Variants in RIC1 observed in about 807,000 individuals in gnomAD.
RIC1 encodes guanine nucleotide exchange factor subunit RIC1.
In RIC1, 88 loss-of-function variants were observed where a neutral mutation model predicts 169.0. The observed-to-expected ratio is 0.52, with a 90% CI of 0.44 to 0.62. The LOEUF is 0.62. Ranked by LOEUF, RIC1 falls within the 20% of genes least tolerant of loss-of-function variation. The probability of loss-of-function intolerance (pLI) is 0.00; values close to 1 mark genes in which losing one functional copy is unlikely to be tolerated. For missense variants in RIC1, 1,877 were observed against 1,725.5 expected (o/e 1.09, Z -1.56); for synonymous variants, 790 against 601.5 (o/e 1.31, Z -4.59).
rs80197685 is a variant in RIC1, at chr9:5,658,826, T to C, written c.252+2136T>C. ...AAAAGTTTATTGGAAAGTTTTTTTG[T>C]TTTTTTTTTTACCGAGACTGACTTT... On this transcript the variant is annotated intron_variant, in intron 2 of 25. Coordinates refer to ENST00000414202, the MANE Select transcript of RIC1 (RefSeq NM_020829.4). 5.7e-5 allele frequency among the ~76,000 whole-genome samples: 7 copies of C among 122,538 alleles called. No homozygotes were observed. In the East Asian group the frequency reaches 1.4e-3, roughly 24 times the overall value. The allele number at this position is 122,538 out of a possible 152,430, so 80.4% of individuals were successfully genotyped here.
intron 11 of RIC1, among the ~76,000 whole-genome samples, chr9:5,746,554 G>T (rs1370453796): frequency 6.6e-6 from 1 of 152,080 alleles, no homozygotes; most frequent in African/African-American, 2.4e-5. Context: ...AATCCAGGAG[G>T]TGGTATATTA....
Position 5,765,689 on chromosome 9 carries a change from T to A in RIC1, c.3028T>A (p.Phe1010Ile). 1 of 1,614,116 alleles carries A rather than the reference T, an allele frequency of 6.2e-7. No homozygotes were observed. The highest frequency in any genetic ancestry group is 8.5e-7 in the Non-Finnish European group (1 of 1,180,002). ...QEPSSSGGFE[F>I]FRNRSISLSQ... The stretch of plus-strand genomic sequence containing the variant: ...ACCCAGTTCAAGTGGTGGATTTGAG[T>A]TCTTCAGGAATCGAAGCATCAGTTT... Residue 1010 changes from phenylalanine to isoleucine, a missense_variant, in exon 21 of 26, where the codon TTC (phenylalanine) becomes ATC (isoleucine). Phe to Ile is a conservative substitution (Grantham distance 21). Coordinates refer to ENST00000414202, the MANE Select transcript of RIC1 (RefSeq NM_020829.4).
At chr9:5,747,208 A>C in intron 11 of RIC1, 94 bp from the exon 12 acceptor site, 1 of 901,334 alleles carries the variant, frequency 1.1e-6, no homozygotes, top group Admixed American at 2.1e-5. Flanking sequence ...CCTATAATAA[A>C]ACTAAATCGA....
chr9:5,746,302 C>T (rs559568823), intron 11 of RIC1, among the ~76,000 whole-genome samples: 2 of 151,956 alleles, frequency 1.3e-5, no homozygotes, highest in Non-Finnish European at 2.9e-5. Flanking sequence ...GGGTCATAAG[C>T]AATTTGACGG....
At chr9:5,696,024 C>T (rs1336114275) in intron 3 of RIC1, among the ~76,000 whole-genome samples, 1 of 152,070 alleles carries the variant, frequency 6.6e-6, no homozygotes, top group African/African-American at 2.4e-5. Flanking sequence ...TTTGTTTCTT[C>T]CTCTGGATTG....
intron 2 of RIC1, among the ~76,000 whole-genome samples, chr9:5,687,027 A>C (rs933719390): frequency 2.0e-5 from 3 of 152,218 alleles, no homozygotes; most frequent in Admixed American, 6.5e-5. Flanking sequence ...TCTTTAACAG[A>C]CATTGGCTTT....
intron 12 of RIC1, among the ~76,000 whole-genome samples, chr9:5,747,725 T>TA (rs1433318661): frequency 6.6e-6 from 1 of 152,224 alleles, no homozygotes; most frequent in African/African-American, 2.4e-5. Context: ...TCAAGTCTAT[T>TA]AATAATGTCA....
At chr9:5,634,918 G>A (rs372476050) in intron 1 of RIC1, among the ~76,000 whole-genome samples, 19 of 151,858 alleles carry the variant, frequency 1.3e-4, no homozygotes, top group Admixed American at 3.3e-4. Context: ...TGTATTTGTG[G>A]GGTATATGGG....
chr9:5,687,805 AT>A (rs1036725071), intron 2 of RIC1, among the ~76,000 whole-genome samples: 12 of 152,026 alleles, frequency 7.9e-5, no homozygotes, highest in Non-Finnish European at 1.0e-4. Flanking sequence ...TTAATTAAAT[AT>A]TTTTTTTCTG....
intron 6 of RIC1, among the ~76,000 whole-genome samples, chr9:5,732,012 G>A (rs1487852605): frequency 6.6e-6 from 1 of 152,182 alleles, no homozygotes; most frequent in Non-Finnish European, 1.5e-5. Flanking sequence ...TATGTGCTAG[G>A]TGATGAGAAT....
chr9:5,702,570 C>A (rs916099638), intron 3 of RIC1, among the ~76,000 whole-genome samples: 3 of 152,056 alleles, frequency 2.0e-5, no homozygotes, highest in Non-Finnish European at 2.9e-5. Context: ...GACAGAGTCT[C>A]ACTCTGTTGC....
chr9:5,761,801 T>G (rs1826357369), intron 17 of RIC1, among the ~76,000 whole-genome samples: 8 of 152,224 alleles, frequency 5.3e-5, no homozygotes, highest in Admixed American at 5.2e-4. Context: ...CATAATGGTT[T>G]AAGTTGCGTG....
intron 1 of RIC1, among the ~76,000 whole-genome samples, chr9:5,646,249 C>G (rs1004388008): frequency 1.3e-5 from 2 of 151,944 alleles, no homozygotes; most frequent in African/African-American, 4.8e-5. Context: ...AGTTCTTTGC[C>G]CATTGTTTTT....
intron 11 of RIC1, 140 bp from the exon 12 acceptor site, chr9:5,747,162 T>C: frequency 7.7e-6 from 5 of 648,206 alleles, no homozygotes; most frequent in Non-Finnish European, 1.4e-5. Context: ...CTTTGTCCTC[T>C]GTGAAGAAAA....
intron 1 of RIC1, among the ~76,000 whole-genome samples, chr9:5,632,428 G>A (rs879926137): frequency 4.6e-5 from 7 of 151,964 alleles, no homozygotes; most frequent in African/African-American, 1.7e-4. Flanking sequence ...GTAGGTATTC[G>A]GAATTCCACT....
At chr9:5,635,625 C>G (rs79762566) in intron 1 of RIC1, among the ~76,000 whole-genome samples, 1 of 152,184 alleles carries the variant, frequency 6.6e-6, no homozygotes, top group African/African-American at 2.4e-5. Context: ...TGGTTTGGCT[C>G]TATTTCCCCA....
rs1319077360 is a variant in RIC1 at position 5,757,441 on chromosome 9, T to C, written c.1982T>C (p.Met661Thr). Residue 661 changes from methionine to threonine, a missense_variant, in exon 17 of 26, where the codon ATG (methionine) becomes ACG (threonine). Coordinates refer to ENST00000414202, the MANE Select transcript of RIC1 (RefSeq NM_020829.4). The part of the protein sequence containing the change: ...VSTENGITLK[M>T]PQQARGAESI... Reference sequence around the variant, plus strand: ...ACAGAGAATGGAATCACCTTGAAAATGCCACAGCAGGTACCACTCCATTAT... The same window carrying C: ...ACAGAGAATGGAATCACCTTGAAAACGCCACAGCAGGTACCACTCCATTAT... 5.0e-6 allele frequency: 8 copies of C among 1,614,030 alleles called. No homozygotes were observed. The highest frequency in any genetic ancestry group is 6.8e-6 in the Non-Finnish European group (8 of 1,179,916).
chr9:5,717,001 T>C (rs980347615), intron 4 of RIC1, among the ~76,000 whole-genome samples: 5 of 152,236 alleles, frequency 3.3e-5, no homozygotes, highest in Non-Finnish European at 5.9e-5. Context: ...TTGTCCACTT[T>C]CAATTAAATG....
intron 3 of RIC1, among the ~76,000 whole-genome samples, chr9:5,711,009 A>G (rs1288767013): frequency 6.6e-6 from 1 of 152,130 alleles, no homozygotes; most frequent in African/African-American, 2.4e-5. Flanking sequence ...AGGAAACAAA[A>G]CATGTAAATT....
Sources: allele counts gnomAD v4.1 joint callset (sites outside exome capture counted in the v4.1 genomes callset), GRCh38; gene constraint gnomAD v4.1.1; transcripts MANE v1.5; gene names NCBI Gene and HGNC (gene_info 2026-07-23, HGNC 2026-07-21).